The following ATN1 variants were observed in gnomAD, a reference collection of about 807,000 sequenced individuals.
ATN1 encodes the protein atrophin 1.
Under a neutral mutation model 85.8 loss-of-function variants are expected in ATN1, and 19 were observed. The ratio of observed to expected loss-of-function variants is 0.22; its 90% CI spans 0.15 to 0.32. ATN1 has a LOEUF of 0.32. ATN1 is among the 10% of genes least tolerant of loss of function. ATN1 has a pLI of 1.00. For synonymous variants in ATN1, 674 were observed against 657.0 expected (o/e 1.03, Z -0.39); for missense variants, 1,453 against 1,564.5 (o/e 0.93, Z 1.20).
In ATN1 at chr12:6,937,971, C is replaced by T. The variant is rs782397087; in HGVS notation, c.2421C>T (p.Ala807=). ...TGGTGGAGAAGGTGCGGCGCGAGGCCGAGCAGCGCGCGCGCGAAGAAAAGG... is the reference window on the plus strand; with the variant it reads ...TGGTGGAGAAGGTGCGGCGCGAGGCTGAGCAGCGCGCGCGCGAAGAAAAGG... ...ADLVEKVRRE[A]EQRAREEKER... Residue 807 remains alanine, a synonymous_variant, in exon 6 of 10, where the codon GCC becomes GCT. Coordinates refer to ENST00000396684, the MANE Select transcript of ATN1 (RefSeq NM_001940.4). The surrounding 1 kb of genome is among the most constrained non-coding windows in gnomAD (Gnocchi z 6.0). 22 of 1,557,060 alleles carry T rather than the reference C, an allele frequency of 1.4e-5. No individual in the cohort carries two copies. In the Admixed American group the frequency reaches 4.3e-4, roughly 30 times the overall value.
intron 1 of ATN1, among the ~76,000 whole-genome samples, chr12:6,933,113 G>T (rs1473457841): frequency 1.3e-5 from 2 of 152,138 alleles, no homozygotes; most frequent in Non-Finnish European, 2.9e-5. Flanking sequence ...GGGTAATAAT[G>T]CTTACCATTC....
rs782609637 is a variant in ATN1 at position 6,934,219 on chromosome 12, G to A, written c.71G>A (p.Arg24Gln). ...SGRKKEAPGP[R>Q]EELRSRGRAS... ...CGGAAGAAAGAGGCCCCTGGGCCCC[G>A]GGAAGAACTGAGATCGAGGGGCCGG... Residue 24 changes from arginine (R) to glutamine (Q), a missense_variant, in exon 3 of 10, where the codon CGG becomes CAG. Physicochemically the swap from Arg to Gln is conservative, Grantham distance 43 (BLOSUM62 1). Transcript: ENST00000396684. This position sits in a 1 kb window ranked among gnomAD's most constrained non-coding sequence, Gnocchi z 4.5. The A allele has an allele frequency of 1.1e-5, 17 of 1,593,850 alleles. No individual in the cohort carries two copies. The highest frequency in any genetic ancestry group is 6.7e-5 in the East Asian group (3 of 44,826).
At chr12:6,930,283 GGTTT>G (rs2138202702) in intron 1 of ATN1, among the ~76,000 whole-genome samples, 1 of 152,294 alleles carries the variant, frequency 6.6e-6, no homozygotes, top group East Asian at 1.9e-4. Flanking sequence ...ACTTTGGACT[GGTTT>G]GTTAGTCTGG....
Position 6,940,902 on chromosome 12 carries a change from C to T in ATN1, c.3237C>T (p.Leu1079=). 1.2e-6 allele frequency: 2 copies of T among 1,614,230 alleles called. No individual in the cohort carries two copies. The highest frequency in any genetic ancestry group is 1.7e-6 in the Non-Finnish European group (2 of 1,180,050). The change falls in exon 8 of 10, where the codon CTC becomes CTT. Residue 1079 remains leucine, a synonymous_variant. Coordinates refer to ENST00000396684, the MANE Select transcript of ATN1 (RefSeq NM_001940.4). ...IHAASASVHP[L]IDPLASGSHL... ...CAGCCTCTGCCTCGGTGCACCCTCT[C>T]ATTGACCCCCTGGCCTCAGGGTCTC...
intron 7 of ATN1, 27 bp downstream of exon 7, chr12:6,939,204 C>T: frequency 1.9e-6 from 3 of 1,563,956 alleles, no homozygotes; most frequent in Middle Eastern, 3.4e-4. Context: ...CTTGCCCTGG[C>T]CCTTTGGGGC....
In ATN1 at chr12:6,941,314, G is replaced by C; in HGVS notation, c.3359-60G>C. The C allele has an allele frequency of 6.6e-7, 1 of 1,520,724 alleles. No homozygotes were observed. The highest frequency in any genetic ancestry group is 8.8e-7 in the Non-Finnish European group (1 of 1,132,018). The allele number at this position is 1,520,724 out of a possible 1,614,324, so 94.2% of individuals were successfully genotyped here. A position where few individuals can be genotyped will look rare whatever the true frequency, so the allele number is the denominator to read the frequency against. ...TATGTAAAGGAGCTGGCTATCCCCT[G>C]GTCCAGAGCAGGTACTTGTTATCCG... is the stretch of plus-strand genomic sequence containing the variant. On this transcript the variant is annotated intron_variant, in intron 8 of 9. Coordinates refer to ENST00000396684, the MANE Select transcript of ATN1 (RefSeq NM_001940.4). This position sits in a 1 kb window ranked among gnomAD's most constrained non-coding sequence, Gnocchi z 5.9.
In ATN1 at chr12:6,936,736, A is replaced by AGCC; in HGVS notation, c.1471_1472insCGC (p.Gln490_Gln491insPro). 1.4e-5 allele frequency: 12 copies of AGCC among 840,050 alleles called. No individual in the cohort carries two copies. The highest frequency in any genetic ancestry group is 1.9e-5 in the Non-Finnish European group (12 of 626,548). 52.0% of individuals were successfully genotyped at this position (840,050 alleles called of 1,614,324 possible). A position where few individuals can be genotyped will look rare whatever the true frequency, so the allele number is the denominator to read the frequency against. Reference sequence around the variant, plus strand: ...CACCACCAGCAACAGCAACAGCAGCAGCAGCAGCAGCAGCAGCAGCAGCAG... The same window carrying AGCC: ...CACCACCAGCAACAGCAACAGCAGCAGCCGCAGCAGCAGCAGCAGCAGCAGCAG... On this transcript the variant is annotated inframe_insertion, in exon 5 of 10. Transcript: ENST00000396684.
chr12:6,927,632 G>GCCTCCCCCTCTCCGGCTCCC, upstream of ATN1, among the ~76,000 whole-genome samples: 2 of 147,098 alleles, frequency 1.4e-5, no homozygotes, highest in Non-Finnish European at 3.0e-5. Context: ...CTCGCGCTGC[G>GCCTCCCCCTCTCCGGCTCCC]CCTCCCCCTC....
chr12:6,934,700 C>A lies in ATN1; in HGVS notation c.279+122C>A. 2.8e-6 allele frequency: 2 copies of A among 712,514 alleles called. No individual in the cohort carries two copies. Among genetic ancestry groups the A allele is most frequent in the Non-Finnish European group, 2.4e-6 (1 of 414,790 alleles). 44.1% of individuals were successfully genotyped at this position (712,514 alleles called of 1,614,324 possible). ...ATAAGAGAAAGGCCAGATCATAGTGCTTATGAGAGCAGTTCTGTCTATAAT... is the reference window on the plus strand; with the variant it reads ...ATAAGAGAAAGGCCAGATCATAGTGATTATGAGAGCAGTTCTGTCTATAAT... On this transcript the variant is annotated intron_variant, in intron 4 of 9. Coordinates refer to ENST00000396684, the MANE Select transcript of ATN1 (RefSeq NM_001940.4). This position sits in a 1 kb window ranked among gnomAD's most constrained non-coding sequence, Gnocchi z 4.5.
chr12:6,936,007 C>G lies in ATN1; in HGVS notation c.740C>G (p.Pro247Arg). ...GGGAASSVGG[P>R]NGGKQHPPPT... ...GGGGCTGCCTCATCAGTGGGGGGCC[C>G]TAATGGGGGTAAGCAGCACCCCCCA... is the stretch of plus-strand genomic sequence containing the variant. The change falls in exon 5 of 10, where the codon CCT becomes CGT. Residue 247 changes from proline (P) to arginine (R), a missense_variant. Physicochemically the swap from Pro to Arg is moderately radical, Grantham distance 103. Coordinates refer to ENST00000396684, the MANE Select transcript of ATN1 (RefSeq NM_001940.4). The G allele has an allele frequency of 6.3e-7, 1 of 1,588,362 alleles. No individual in the cohort carries two copies. Among genetic ancestry groups the G allele is most frequent in the Non-Finnish European group, 8.6e-7 (1 of 1,167,252 alleles).
chr12:6,926,394 A>G (rs752510232), upstream of ATN1, among the ~76,000 whole-genome samples: 78 of 151,240 alleles, frequency 5.2e-4, no homozygotes, highest in Non-Finnish European at 1.0e-3. Context: ...TCCCTTACCT[A>G]TCTACCCATG....
At chr12:6,926,847 T>A (rs1030224398), upstream of ATN1, among the ~76,000 whole-genome samples, 3 of 151,952 alleles carry the variant, frequency 2.0e-5, no homozygotes, top group African/African-American at 7.2e-5. Context: ...TCAGCTTACA[T>A]TTCCTTCCAA....
In ATN1 at chr12:6,934,472, G is replaced by A. The variant is rs782070350; in HGVS notation, c.173G>A (p.Arg58Gln). The change falls in exon 4 of 10, where the codon CGA (arginine) becomes CAA (glutamine). Residue 58 changes from arginine to glutamine, a missense_variant. Arg to Gln is a conservative substitution (Grantham distance 43). This residue lies in a region of ATN1 where 130 missense variants were observed against 158.2 expected (regional missense o/e 0.82). Transcript: ENST00000396684. This position sits in a 1 kb window ranked among gnomAD's most constrained non-coding sequence, Gnocchi z 4.5. ...EKSRQTAKKA[R>Q]VEEASTPKVN... ...TCTCTTTCTCTCTAACAGAAGGCCCGAGTAGAGGAAGCCTCCACCCCAAAG... is the reference window on the plus strand; with the variant it reads ...TCTCTTTCTCTCTAACAGAAGGCCCAAGTAGAGGAAGCCTCCACCCCAAAG... 1.0e-5 allele frequency: 16 copies of A among 1,592,668 alleles called. No individual in the cohort carries two copies. The highest frequency in any genetic ancestry group is 6.9e-5 in the East Asian group (3 of 43,404).
At position 6,935,055 on chromosome 12, in the gene ATN1, T is replaced by C. The variant is rs1253123338; in HGVS notation, c.279+477T>C. ...GGCATGAGCCACCATGCCCGGCTAA[T>C]TTTTGTATTTTTGGTAGAGACAGTG... On this transcript the variant is annotated intron_variant, in intron 4 of 9. Coordinates refer to ENST00000396684, the MANE Select transcript of ATN1 (RefSeq NM_001940.4). The surrounding 1 kb of genome is among the most constrained non-coding windows in gnomAD (Gnocchi z 5.3). Among the ~76,000 whole-genome samples the C allele has an allele frequency of 6.6e-6, 1 of 152,032 alleles. No homozygotes were observed. Among genetic ancestry groups the C allele is most frequent in the Non-Finnish European group, 1.5e-5 (1 of 67,996 alleles).
Position 6,934,027 on chromosome 12 carries a change from C to G in ATN1, c.26C>G (p.Ser9Trp). 6.2e-7 allele frequency: 1 copy of G among 1,608,724 alleles called. No homozygotes were observed. The highest frequency in any genetic ancestry group is 8.5e-7 in the Non-Finnish European group (1 of 1,177,678). The change falls in exon 2 of 10, where the codon TCG becomes TGG. Residue 9 changes from serine (S) to tryptophan (W), a missense_variant and splice_region_variant. By Grantham distance (177) the Ser-to-Trp change is radical. Around this residue, in one of 6 missense-constraint regions of ATN1, gnomAD observed 130 missense variants for 158.2 expected, o/e 0.82. Coordinates refer to ENST00000396684, the MANE Select transcript of ATN1 (RefSeq NM_001940.4). The surrounding 1 kb of genome is among the most constrained non-coding windows in gnomAD (Gnocchi z 4.5). Reference protein sequence around the residue: MKTRQNKDSMSMRSGRKKE... With the variant: MKTRQNKDWMSMRSGRKKE... ...ATGAAGACACGACAGAATAAAGACT[C>G]GGTGAGTTAAAATGAGAGACATGAA... is the stretch of plus-strand genomic sequence containing the variant.
At chr12:6,925,912 ACTCCAG>A (rs1945394768), upstream of ATN1, among the ~76,000 whole-genome samples, 1 of 151,172 alleles carries the variant, frequency 6.6e-6, no homozygotes. Flanking sequence ...CCTAATCCAC[ACTCCAG>A]CTCCAGCTCT....
upstream of ATN1, among the ~76,000 whole-genome samples, chr12:6,926,056 A>G (rs1945395871): frequency 6.6e-6 from 1 of 152,042 alleles, no homozygotes; most frequent in African/African-American, 2.4e-5. Context: ...AGCCCAGGAG[A>G]AGGAACTGGT....
At position 6,937,752 on chromosome 12, in the gene ATN1, C is replaced by A; in HGVS notation, c.2295-93C>A. 1.4e-6 allele frequency: 2 copies of A among 1,460,686 alleles called. No homozygotes were observed. Among genetic ancestry groups the A allele is most frequent in the Non-Finnish European group, 1.8e-6 (2 of 1,108,858 alleles). 90.5% of individuals were successfully genotyped at this position (1,460,686 alleles called of 1,614,324 possible). ...ACAGCCTGCAGGGGTGGTTTTGAGG[C>A]GGGGGCTACAAGCACTCGCCGGGGC... On this transcript the variant is annotated intron_variant, in intron 5 of 9. Transcript: ENST00000396684. This position sits in a 1 kb window ranked among gnomAD's most constrained non-coding sequence, Gnocchi z 6.0.
rs1201619893 is a variant in ATN1 at position 6,935,494 on chromosome 12, C to A, written c.280-53C>A. ...GATTTTATGCAAGAGAGCCCCAAAT[C>A]TCAGGGAAGCAGGAAAGGAAAAGAG... On this transcript the variant is annotated intron_variant, in intron 4 of 9. Transcript: ENST00000396684. The surrounding 1 kb of genome is among the most constrained non-coding windows in gnomAD (Gnocchi z 5.3). The A allele has an allele frequency of 2.5e-6, 4 of 1,576,266 alleles. No individual in the cohort carries two copies. The highest frequency in any genetic ancestry group is 3.4e-6 in the Non-Finnish European group (4 of 1,161,282).
Sources: gnomAD v4.1 joint callset for allele counts (sites outside exome capture counted in the v4.1 genomes callset) on GRCh38, gnomAD v4.1.1 for gene constraint, gnomAD v4.1.1 regional missense constraint, Gnocchi (gnomAD v3.1) non-coding constraint, MANE v1.5 for transcripts, NCBI Gene and HGNC (gene_info 2026-07-23, HGNC 2026-07-21) for gene names.